TBC1D5: variants seen among roughly 807,000 people sequenced by gnomAD.
TBC1D5 encodes the protein TBC1 domain family, member 5.
TBC1D5 carries 75 observed loss-of-function variants against 100.3 expected under a neutral mutation model. The observed-to-expected ratio is 0.75, with a 90% confidence interval of 0.62 to 0.91. TBC1D5 has a LOEUF of 0.91. TBC1D5 is among the 40% of genes least tolerant of loss of function. The pLI, the probability that TBC1D5 is intolerant of heterozygous loss-of-function variation, is 0.00. For missense variants in TBC1D5, 910 were observed against 942.4 expected, an observed-to-expected ratio of 0.97 and a Z score of 0.45; for synonymous variants, 323 against 325.6, an observed-to-expected ratio of 0.99 and a Z score of 0.09.
At chr3:17,247,862 G>A (rs1004077048) in intron 16 of TBC1D5, among the ~76,000 whole-genome samples, 3 of 152,060 alleles carry the variant, frequency 2.0e-5, no homozygotes, top group Admixed American at 1.3e-4. Flanking sequence ...TTACCCATCC[G>A]TAGGAACTCT....
chr3:17,703,922 TTTTTTAA>T (rs1185327689), intron 1 of TBC1D5, among the ~76,000 whole-genome samples: 1 of 151,384 alleles, frequency 6.6e-6, no homozygotes, highest in African/African-American at 2.4e-5. Flanking sequence ...TTGTTTTTTT[TTTTTTAA>T]TTTATTTTTT....
chr3:17,399,915 C>T (rs2093604194), intron 8 of TBC1D5, among the ~76,000 whole-genome samples: 1 of 152,110 alleles, frequency 6.6e-6, no homozygotes, highest in African/African-American at 2.4e-5. Context: ...TTTCACATCT[C>T]AGCTCAAATG....
intron 2 of TBC1D5, among the ~76,000 whole-genome samples, chr3:17,555,146 G>A (rs1369393000): frequency 1.3e-5 from 2 of 152,000 alleles, no homozygotes; most frequent in African/African-American, 2.4e-5. Flanking sequence ...ATTGCGCCAG[G>A]CCTTGTGCTT....
intron 13 of TBC1D5, among the ~76,000 whole-genome samples, chr3:17,338,964 G>A (rs1216211291): frequency 6.6e-6 from 1 of 152,176 alleles, no homozygotes; most frequent in African/African-American, 2.4e-5. Context: ...GATTCACAGA[G>A]GGTTTGATGG....
chr3:17,579,289 T>C (rs994930307), intron 2 of TBC1D5, among the ~76,000 whole-genome samples: 1 of 152,104 alleles, frequency 6.6e-6, no homozygotes, highest in African/African-American at 2.4e-5. Flanking sequence ...AATAGAAATA[T>C]TTGACAAATG....
intron 2 of TBC1D5, among the ~76,000 whole-genome samples, chr3:17,587,365 T>C (rs1206889922): frequency 6.6e-6 from 1 of 152,000 alleles, no homozygotes; most frequent in Non-Finnish European, 1.5e-5. Context: ...TTAGCACACA[T>C]ATAAAAAGAT....
At chr3:17,617,919 C>T (rs542957567) in intron 2 of TBC1D5, among the ~76,000 whole-genome samples, 4 of 152,284 alleles carry the variant, frequency 2.6e-5, no homozygotes, top group Admixed American at 2.6e-4. Flanking sequence ...CAAAGTCTTC[C>T]TCCATACAGC....
chr3:17,446,710 G>A (rs577136607), intron 3 of TBC1D5, among the ~76,000 whole-genome samples: 75 of 152,296 alleles, frequency 4.9e-4, no homozygotes, highest in African/African-American at 1.6e-3. Flanking sequence ...GGTGGCTCGC[G>A]CCTGTAATCC....
intron 1 of TBC1D5, among the ~76,000 whole-genome samples, chr3:17,627,728 A>G (rs2063174925): frequency 6.6e-6 from 1 of 151,974 alleles, no homozygotes; most frequent in South Asian, 2.1e-4. Flanking sequence ...CGAAAACTAA[A>G]TATCTGAGGA....
intron 3 of TBC1D5, among the ~76,000 whole-genome samples, chr3:17,503,869 T>G (rs894486348): frequency 6.7e-6 from 1 of 149,772 alleles, no homozygotes. Context: ...TTCTTAATCA[T>G]CATAACTTGA....
chr3:17,166,815 C>T lies in TBC1D5; in HGVS notation c.2046G>A (p.Gln682=), dbSNP rs766884690. The T allele has an allele frequency of 8.1e-6, 13 of 1,614,098 alleles. No homozygotes were observed. The Admixed American group carries it at 1.0e-4, about 12-fold the overall frequency. ...GAACGCTCTGGCCTTGGCCTCGGCC[C>T]TGGCCCTGGCCGCTGGAGCAGTAGT... The change falls in exon 21 of 22, where the codon CAG becomes CAA. Residue 682 remains glutamine, a synonymous_variant. Coordinates refer to ENST00000253692, the Ensembl canonical transcript of TBC1D5.
At chr3:17,369,698 C>T (rs888220085) in intron 13 of TBC1D5, among the ~76,000 whole-genome samples, 1 of 152,016 alleles carries the variant, frequency 6.6e-6, no homozygotes, top group Admixed American at 6.6e-5. Context: ...ATAGAAAATA[C>T]ATAGATGGGT....
chr3:17,673,634 A>G (rs1486365072), intron 1 of TBC1D5, among the ~76,000 whole-genome samples: 1 of 152,082 alleles, frequency 6.6e-6, no homozygotes, highest in Non-Finnish European at 1.5e-5. Context: ...TAAAATTTTT[A>G]AAATCTAAGC....
chr3:17,467,335 C>G (rs1224083622), intron 3 of TBC1D5, among the ~76,000 whole-genome samples: 2 of 119,758 alleles, frequency 1.7e-5, no homozygotes, highest in African/African-American at 7.1e-5. Context: ...TACTATTATA[C>G]TTTAAGTTTT....
At chr3:17,355,723 T>C (rs1559706852) in intron 13 of TBC1D5, among the ~76,000 whole-genome samples, 1 of 152,136 alleles carries the variant, frequency 6.6e-6, no homozygotes, top group Non-Finnish European at 1.5e-5. Flanking sequence ...TTTTGGTTTT[T>C]ATTTCCCATA....
intron 2 of TBC1D5, among the ~76,000 whole-genome samples, chr3:17,524,393 A>G (rs2096104083): frequency 6.6e-6 from 1 of 152,238 alleles, no homozygotes; most frequent in African/African-American, 2.4e-5. Flanking sequence ...TAACTTTTGA[A>G]TCAACAATTC....
intron 4 of TBC1D5, among the ~76,000 whole-genome samples, chr3:17,418,561 T>G (rs548783606): frequency 6.6e-6 from 1 of 151,908 alleles, no homozygotes; most frequent in East Asian, 1.9e-4. Context: ...TGGGCTGAGA[T>G]GGCCCTCTAG....
At chr3:17,235,010 C>A (rs1245379680) in intron 17 of TBC1D5, among the ~76,000 whole-genome samples, 2 of 152,128 alleles carry the variant, frequency 1.3e-5, no homozygotes, top group Non-Finnish European at 2.9e-5. Context: ...ACTCTAAATT[C>A]ACTGATAATG....
At chr3:17,491,851 A>T (rs1465545073) in intron 3 of TBC1D5, among the ~76,000 whole-genome samples, 1 of 152,130 alleles carries the variant, frequency 6.6e-6, no homozygotes. Context: ...TTTCAACTGG[A>T]ATAGTTTCAG....
Sources: allele counts gnomAD v4.1 joint callset (sites outside exome capture counted in the v4.1 genomes callset), GRCh38; gene constraint gnomAD v4.1.1; transcripts MANE v1.5; gene names NCBI Gene and HGNC (gene_info 2026-07-23, HGNC 2026-07-21).